KDELR1: variants seen among roughly 807,000 people sequenced by gnomAD.
KDELR1 encodes ER lumen protein-retaining receptor 1.
Under a neutral mutation model 25.5 loss-of-function variants are expected in KDELR1, and 16 were observed. That is an observed-to-expected ratio of 0.63 (90% CI 0.43 to 0.95). The LOEUF (loss-of-function observed/expected upper bound fraction) is 0.95, where lower values mean the gene tolerates loss of function less well. KDELR1 is among the 40% of genes least tolerant of loss of function. The pLI is 0.00. For missense variants in KDELR1, 159 were observed against 265.2 expected (o/e 0.60, Z 2.78); for synonymous variants, 121 against 115.0 (o/e 1.05, Z -0.33).
At chr19:48,389,517 AT>A in intron 3 of KDELR1, 35 bp downstream of exon 3, 2 of 1,612,368 alleles carry the variant, frequency 1.2e-6, no homozygotes, top group Non-Finnish European at 1.7e-6. Flanking sequence ...TGCCACAACC[AT>A]CCCCCCAAAT....
Position 48,383,034 on chromosome 19 carries a change from A to G in KDELR1, c.*259T>C. On this transcript the variant is annotated 3_prime_UTR_variant, in exon 5 of 5. Coordinates refer to ENST00000330720, the MANE Select transcript of KDELR1 (RefSeq NM_006801.3). Reference sequence around the variant, plus strand: ...GGGGCCACAGAGTAGAAGAAAAACGAGTCATCAGAATCAAAAACTAAAGAG... The same window carrying G: ...GGGGCCACAGAGTAGAAGAAAAACGGGTCATCAGAATCAAAAACTAAAGAG... 1.8e-6 allele frequency: 1 copy of G among 551,120 alleles called. No individual in the cohort carries two copies. Among genetic ancestry groups the G allele is most frequent in the Non-Finnish European group, 3.2e-6 (1 of 310,194 alleles). The allele number at this position is 551,120 out of a possible 1,614,324, so 34.1% of individuals were successfully genotyped here.
upstream of KDELR1, among the ~76,000 whole-genome samples, chr19:48,393,820 T>C (rs1217218422): frequency 6.6e-6 from 1 of 151,594 alleles, no homozygotes; most frequent in Non-Finnish European, 1.5e-5. The surrounding 1 kb of genome is among the most constrained non-coding windows in gnomAD (Gnocchi z 5.6). Context: ...GTTGCCTGGG[T>C]AGGTCGGCCC....
chr19:48,395,260 AC>A (rs530325167), upstream of KDELR1, among the ~76,000 whole-genome samples: 71 of 134,340 alleles, frequency 5.3e-4, 3 homozygotes, highest in East Asian at 8.8e-3. Flanking sequence ...TTCTCCCTGT[AC>A]CCCCCTCCCT....
intron 1 of KDELR1, 23 bp downstream of exon 1, chr19:48,391,245 G>T: frequency 1.9e-6 from 3 of 1,548,200 alleles, no homozygotes; most frequent in Non-Finnish European, 2.6e-6. Context: ...TCTCTCCTTC[G>T]CCAGCCCTGG....
At position 48,383,220 on chromosome 19, in the gene KDELR1, G is replaced by C; in HGVS notation, c.*73C>G. 6.7e-7 allele frequency: 1 copy of C among 1,485,466 alleles called. No individual in the cohort carries two copies. The highest frequency in any genetic ancestry group is 9.2e-7 in the Non-Finnish European group (1 of 1,087,142). 92.0% of individuals were successfully genotyped at this position (1,485,466 alleles called of 1,614,324 possible). On this transcript the variant is annotated 3_prime_UTR_variant, in exon 5 of 5. Transcript: ENST00000330720. ...TCTTAAAAAAGTCACCCCTGGATGGGAAAGCTCTTCATCTTCTGCCGCCTT... is the reference window on the plus strand; with the variant it reads ...TCTTAAAAAAGTCACCCCTGGATGGCAAAGCTCTTCATCTTCTGCCGCCTT...
chr19:48,393,740 G>A (rs972691204), upstream of KDELR1, among the ~76,000 whole-genome samples: 1 of 151,920 alleles, frequency 6.6e-6, no homozygotes, highest in Non-Finnish European at 1.5e-5. This position sits in a 1 kb window ranked among gnomAD's most constrained non-coding sequence, Gnocchi z 5.6. Flanking sequence ...CCTCCAAGCC[G>A]CGGCCGCCGC....
At chr19:48,385,864 C>T (rs1970492039) in intron 3 of KDELR1, among the ~76,000 whole-genome samples, 1 of 152,200 alleles carries the variant, frequency 6.6e-6, no homozygotes, top group African/African-American at 2.4e-5. Flanking sequence ...TTGTCATTCC[C>T]ATTCTACAGA....
At chr19:48,390,819 T>G (rs745623840) in intron 1 of KDELR1, 4 of 446,474 alleles carry the variant, frequency 9.0e-6, no homozygotes, top group Non-Finnish European at 1.6e-5. Flanking sequence ...CTAGGCCTCA[T>G]GGCTACCCCT....
chr19:48,388,795 AAG>A (rs201359832), intron 3 of KDELR1, among the ~76,000 whole-genome samples: 2,960 of 150,906 alleles, frequency 0.02, 117 homozygotes, highest in African/African-American at 0.069. Flanking sequence ...AAAGGAAAGA[AAG>A]AGAAAGAAAG....
chr19:48,383,314 C>T lies in KDELR1; in HGVS notation c.618G>A (p.Lys206=). ...YLYITKVLKG[K]KLSLPA ...GGGGCTATGCCGGCAAACTCAACTT[C>T]TTCCCCTTTAGGACTGTGAGGAGAG... Residue 206 remains lysine (K), a synonymous_variant, in exon 5 of 5, where the codon AAG becomes AAA. Coordinates refer to ENST00000330720, the MANE Select transcript of KDELR1 (RefSeq NM_006801.3). 1 of 1,552,292 alleles carries T rather than the reference C, an allele frequency of 6.4e-7. No homozygotes were observed. The highest frequency in any genetic ancestry group is 8.7e-7 in the Non-Finnish European group (1 of 1,147,308).
upstream of KDELR1, among the ~76,000 whole-genome samples, chr19:48,394,278 A>G (rs1970604976): frequency 6.6e-6 from 1 of 151,040 alleles, no homozygotes; most frequent in African/African-American, 2.4e-5. This position sits in a 1 kb window ranked among gnomAD's most constrained non-coding sequence, Gnocchi z 5.1. Context: ...GCGTGAGTGT[A>G]TGTGTGTTTC....
In KDELR1 at chr19:48,391,418, C is replaced by T; in HGVS notation, c.-60G>A. The T allele has an allele frequency of 7.2e-7, 1 of 1,383,558 alleles. No homozygotes were observed. Among genetic ancestry groups the T allele is most frequent in the Non-Finnish European group, 1.0e-6 (1 of 995,900 alleles). 85.7% of individuals were successfully genotyped at this position (1,383,558 alleles called of 1,614,324 possible). A position where few individuals can be genotyped will look rare whatever the true frequency, so the allele number is the denominator to read the frequency against. On this transcript the variant is annotated 5_prime_UTR_variant, in exon 1 of 5. Transcript: ENST00000330720. ...AGGCAGGCTGGCGGGGGGGTGCCCC[C>T]CGAGGCTGCTGGTCTGAACGGGTAG...
rs1168225330 is a variant in KDELR1, at chr19:48,391,269, G to A, written c.90C>T (p.Ala30=). Residue 30 remains alanine, a splice_region_variant and synonymous_variant, in exon 1 of 5, where the codon GCC becomes GCT. Transcript: ENST00000330720. ...LLKIWKSRSC[A]GISGKSQVLF... ...CGCCAGCCCTGGTGGGCCTCTCACC[G>A]GCGCACGAGCGGGACTTCCAGATTT... 1.4e-5 allele frequency: 21 copies of A among 1,553,744 alleles called. No homozygotes were observed. Among genetic ancestry groups the A allele is most frequent in the Non-Finnish European group, 1.7e-5 (20 of 1,148,248 alleles).
Position 48,391,160 on chromosome 19 carries a change from G to T in KDELR1, c.91+108C>A. 5 of 902,540 alleles carry T rather than the reference G, an allele frequency of 5.5e-6. No individual in the cohort carries two copies. The South Asian group carries it at 7.1e-5, about 13-fold the overall frequency. The allele number at this position is 902,540 out of a possible 1,614,324, so 55.9% of individuals were successfully genotyped here. ...AAGAGAGATCCCCAGCAAGCAGTGG[G>T]GGTGGAACCTGTGCCCCTAGTGCCC... On this transcript the variant is annotated intron_variant, in intron 1 of 4. Coordinates refer to ENST00000330720, the MANE Select transcript of KDELR1 (RefSeq NM_006801.3).
chr19:48,396,026 G>A (rs1970635193), upstream of KDELR1, among the ~76,000 whole-genome samples: 1 of 152,140 alleles, frequency 6.6e-6, no homozygotes, highest in African/African-American at 2.4e-5. Context: ...GTCTTTACGG[G>A]AGGAGGTAGG....
chr19:48,390,776 C>T (rs1970542082), intron 1 of KDELR1: 1 of 506,340 alleles, frequency 2.0e-6, no homozygotes, highest in Non-Finnish European at 3.6e-6. Context: ...CCCAGGCCCC[C>T]GAAGCTACTC....
At chr19:48,389,309 G>A (rs927697055) in intron 3 of KDELR1, among the ~76,000 whole-genome samples, 1 of 152,196 alleles carries the variant, frequency 6.6e-6, no homozygotes, top group Non-Finnish European at 1.5e-5. Flanking sequence ...TTCCTCATCT[G>A]TAAAGTGGGG....
At chr19:48,392,228 C>T (rs1358435875), upstream of KDELR1, among the ~76,000 whole-genome samples, 2 of 150,404 alleles carry the variant, frequency 1.3e-5, no homozygotes, top group African/African-American at 4.9e-5. Context: ...CCTCCTCCCC[C>T]AGATCCAGGA....
At chr19:48,385,839 A>G (rs891205151) in intron 3 of KDELR1, among the ~76,000 whole-genome samples, 1 of 152,224 alleles carries the variant, frequency 6.6e-6, no homozygotes, top group African/African-American at 2.4e-5. Context: ...CCTTAACCCC[A>G]TGAGGTAGGT....
Sources: gnomAD v4.1 joint callset for allele counts (sites outside exome capture counted in the v4.1 genomes callset) on GRCh38, gnomAD v4.1.1 for gene constraint, Gnocchi (gnomAD v3.1) non-coding constraint, MANE v1.5 for transcripts, NCBI Gene and HGNC (gene_info 2026-07-23, HGNC 2026-07-21) for gene names.